The following MID1 variants were observed in gnomAD, a reference collection of about 807,000 sequenced individuals.
MID1 encodes the protein midline 1, also known as E3 ubiquitin-protein ligase Midline-1.
A neutral mutation model predicts 40.4 loss-of-function variants in MID1; 7 were observed. That is an observed-to-expected ratio of 0.17 (90% confidence interval 0.10 to 0.33). The LOEUF (loss-of-function observed/expected upper bound fraction) is 0.33. Among genes scored for constraint, MID1 ranks in the 10% least tolerant of loss-of-function variants. MID1 has a pLI of 1.00. For synonymous variants in MID1, 229 were observed against 221.2 expected, an observed-to-expected ratio of 1.04 and a Z score of -0.31; for missense variants, 367 against 558.5, an observed-to-expected ratio of 0.66 and a Z score of 3.46.
chrX:10,617,926 C>T (rs922893240), intron 1 of MID1, among the ~76,000 whole-genome samples: 1 of 112,580 alleles, frequency 8.9e-6, no homozygotes. Flanking sequence ...CTAACTCAGC[C>T]GTGGCCTTAG....
chrX:10,623,814 C>T (rs1463540749), upstream of MID1, among the ~76,000 whole-genome samples: 1 of 111,939 alleles, frequency 8.9e-6, no homozygotes, highest in Non-Finnish European at 1.9e-5. Flanking sequence ...GCCACCTGGA[C>T]AGTGCCCAGT....
At chrX:10,713,366 C>A (rs1184003601) in intron 1 of MID1, among the ~76,000 whole-genome samples, 1 of 107,985 alleles carries the variant, frequency 9.3e-6, no homozygotes, top group Non-Finnish European at 1.9e-5. Flanking sequence ...CTCTCTGGTC[C>A]AGGTTAGAGT....
chrX:10,510,884 C>T (rs754517457), intron 3 of MID1, among the ~76,000 whole-genome samples: 21 of 93,508 alleles, frequency 2.2e-4, no homozygotes, highest in African/African-American at 8.0e-4. Context: ...GTTTTTTGAA[C>T]ATTGCAATAT....
rs556071048 is a variant in MID1 at position 10,505,071 on chromosome X, A to C, written c.757-9380T>G. Among the ~76,000 whole-genome samples, 11 of 112,011 alleles carry C rather than the reference A, an allele frequency of 9.8e-5. No homozygotes were observed. In the South Asian group the frequency reaches 4.1e-3, roughly 42 times the overall value. On this transcript the variant is annotated intron_variant, in intron 3 of 9. Transcript: ENST00000317552. Reference sequence around the variant, plus strand: ...CCTCATTTGCATACTTTTGATGAAAATATCTGTAAACAATCTGGTACATAG... The same window carrying C: ...CCTCATTTGCATACTTTTGATGAAACTATCTGTAAACAATCTGGTACATAG...
intron 1 of MID1, among the ~76,000 whole-genome samples, chrX:10,705,490 T>A (rs2043224553): frequency 8.9e-6 from 1 of 112,248 alleles, no homozygotes; most frequent in Non-Finnish European, 1.9e-5. Flanking sequence ...TAAATATTGT[T>A]GAGAAGATTA....
chrX:10,542,068 A>C (rs1933491684), intron 2 of MID1, among the ~76,000 whole-genome samples: 1 of 112,463 alleles, frequency 8.9e-6, no homozygotes, highest in Non-Finnish European at 1.9e-5. Flanking sequence ...AATGGTTAAC[A>C]AACCTGGATA....
intron 2 of MID1, among the ~76,000 whole-genome samples, chrX:10,542,817 G>T (rs187811237): frequency 6.2e-5 from 7 of 112,054 alleles, no homozygotes; most frequent in African/African-American, 1.9e-4. Context: ...GGTCACATTA[G>T]AAGGCAACAT....
chrX:10,810,722 G>GTGTA (rs2147152290), intron 1 of MID1, among the ~76,000 whole-genome samples: 1 of 110,243 alleles, frequency 9.1e-6, no homozygotes, highest in South Asian at 4.0e-4. Context: ...GTGTGTGTGT[G>GTGTA]TGTTTGATAG....
At chrX:10,700,232 T>C (rs931552865) in intron 1 of MID1, among the ~76,000 whole-genome samples, 6 of 111,936 alleles carry the variant, frequency 5.4e-5, no homozygotes, top group African/African-American at 1.9e-4. Flanking sequence ...TATTTTATAC[T>C]TATGGGCTGT....
intron 1 of MID1, among the ~76,000 whole-genome samples, chrX:10,600,301 GA>G (rs910719633): frequency 3.8e-5 from 4 of 105,236 alleles, no homozygotes; most frequent in Non-Finnish European, 3.9e-5. Context: ...TCTCAACAAA[GA>G]AAAAAAAAAG....
intron 1 of MID1, among the ~76,000 whole-genome samples, chrX:10,720,644 T>C (rs1602536696): frequency 8.9e-6 from 1 of 112,013 alleles, no homozygotes; most frequent in East Asian, 2.8e-4. Context: ...GTGTGGCGAT[T>C]CCTCAGGGAG....
At chrX:10,667,050 G>A (rs1333591382) in intron 1 of MID1, among the ~76,000 whole-genome samples, 4 of 111,225 alleles carry the variant, frequency 3.6e-5, no homozygotes, top group Non-Finnish European at 5.7e-5. Flanking sequence ...GTTGGGGGTG[G>A]GACAGGGAAG....
chrX:10,540,764 G>A (rs1933437827), intron 2 of MID1, among the ~76,000 whole-genome samples: 1 of 111,810 alleles, frequency 8.9e-6, no homozygotes, highest in Non-Finnish European at 1.9e-5. Context: ...TCCCTTAAAA[G>A]GAAAGCATCC....
chrX:10,599,748 TG>T (rs771162955), intron 1 of MID1, among the ~76,000 whole-genome samples: 25 of 112,084 alleles, frequency 2.2e-4, no homozygotes, highest in Non-Finnish European at 4.1e-4. Context: ...TGAGAAGAAT[TG>T]AGGTGGTTGT....
intron 1 of MID1, among the ~76,000 whole-genome samples, chrX:10,781,765 C>T (rs772211500): frequency 8.9e-6 from 1 of 111,982 alleles, no homozygotes; most frequent in South Asian, 3.7e-4. Context: ...ATATGATTTT[C>T]CATATGTAAA....
chrX:10,796,487 A>G (rs2147142527), intron 1 of MID1, among the ~76,000 whole-genome samples: 1 of 101,621 alleles, frequency 9.8e-6, no homozygotes, highest in East Asian at 3.0e-4. Flanking sequence ...TAGGCCCCGC[A>G]TTTTTGTTTG....
chrX:10,486,927 G>A (rs1025234128), intron 4 of MID1, among the ~76,000 whole-genome samples: 2 of 111,817 alleles, frequency 1.8e-5, no homozygotes, highest in Admixed American at 1.9e-4. Flanking sequence ...ACGGATCACT[G>A]CAGCTTTGAC....
chrX:10,656,908 T>C (rs186284440), intron 1 of MID1, among the ~76,000 whole-genome samples: 1 of 111,140 alleles, frequency 9.0e-6, no homozygotes, highest in East Asian at 2.8e-4. Flanking sequence ...ACCAGATAGG[T>C]CAATTCTCTG....
chrX:10,686,160 C>G (rs2043096284), intron 1 of MID1, among the ~76,000 whole-genome samples: 1 of 111,223 alleles, frequency 9.0e-6, no homozygotes, highest in Non-Finnish European at 1.9e-5. Flanking sequence ...CACCATGGCT[C>G]AGAGTCTGTG....
Sources: gnomAD v4.1 joint callset for allele counts (sites outside exome capture counted in the v4.1 genomes callset) on GRCh38, gnomAD v4.1.1 for gene constraint, MANE v1.5 for transcripts, NCBI Gene and HGNC (gene_info 2026-07-23, HGNC 2026-07-21) for gene names.